RARB: variants seen among roughly 807,000 people sequenced by gnomAD.
RARB encodes the protein retinoic acid receptor beta.
In RARB, 17 loss-of-function variants were observed where a neutral mutation model predicts 51.9. The ratio of observed to expected loss-of-function variants is 0.33; its 90% CI spans 0.22 to 0.49. RARB has a LOEUF of 0.49. Ranked by LOEUF, RARB falls within the 20% of genes least tolerant of loss-of-function variation. The pLI is 0.99. For missense variants in RARB, 369 were observed against 550.8 expected (o/e 0.67, Z 3.30); for synonymous variants, 215 against 195.4 (o/e 1.10, Z -0.84).
chr3:25,507,668 A>G (rs930901733), intron 3 of RARB, among the ~76,000 whole-genome samples: 1 of 152,188 alleles, frequency 6.6e-6, no homozygotes, highest in Non-Finnish European at 1.5e-5. Flanking sequence ...AAAGATGGAC[A>G]TGTATTGGGG....
intron 5 of RARB, among the ~76,000 whole-genome samples, chr3:25,337,815 T>G (rs1705108506): frequency 6.6e-6 from 1 of 151,068 alleles, no homozygotes; most frequent in Non-Finnish European, 1.5e-5. Flanking sequence ...ATACGTTTCT[T>G]GTTTGCCCTC....
At chr3:25,329,906 A>G (rs1704840787) in intron 5 of RARB, among the ~76,000 whole-genome samples, 1 of 152,240 alleles carries the variant, frequency 6.6e-6, no homozygotes, top group African/African-American at 2.4e-5. Context: ...AGTGGAAGAA[A>G]GGGTATCAGT....
At chr3:25,140,987 C>G (rs1227971247) in intron 4 of RARB, among the ~76,000 whole-genome samples, 1 of 151,986 alleles carries the variant, frequency 6.6e-6, no homozygotes, top group Non-Finnish European at 1.5e-5. Flanking sequence ...TTAATATACT[C>G]AAGTATATTA....
intron 2 of RARB, among the ~76,000 whole-genome samples, chr3:24,863,530 T>C (rs574763006): frequency 6.6e-6 from 1 of 152,248 alleles, no homozygotes; most frequent in Non-Finnish European, 1.5e-5. Context: ...TCAAAGATCA[T>C]GTCAGCGTAA....
At chr3:25,439,450 G>A (rs1029078361) in intron 1 of RARB, among the ~76,000 whole-genome samples, 1 of 152,052 alleles carries the variant, frequency 6.6e-6, no homozygotes, top group Non-Finnish European at 1.5e-5. Context: ...CTGTTGCCCA[G>A]GCTGGAGTGC....
intron 3 of RARB, among the ~76,000 whole-genome samples, chr3:25,079,854 T>G (rs2125312352): frequency 6.6e-6 from 1 of 152,324 alleles, no homozygotes; most frequent in African/African-American, 2.4e-5. Context: ...TCTTGTTTAG[T>G]TTTCTTAACA....
chr3:25,135,823 G>A (rs1700024528), intron 4 of RARB, among the ~76,000 whole-genome samples: 1 of 151,818 alleles, frequency 6.6e-6, no homozygotes, highest in South Asian at 2.1e-4. Flanking sequence ...ATGCACCAAG[G>A]CAAAAAGCTC....
At chr3:25,390,351 C>T (rs1706915929) in intron 5 of RARB, among the ~76,000 whole-genome samples, 1 of 152,146 alleles carries the variant, frequency 6.6e-6, no homozygotes, top group Non-Finnish European at 1.5e-5. Flanking sequence ...AGAGAAGACT[C>T]TATTTACGAG....
intron 5 of RARB, among the ~76,000 whole-genome samples, chr3:25,368,889 G>A (rs1028199971): frequency 7.2e-5 from 11 of 152,108 alleles, no homozygotes; most frequent in Non-Finnish European, 1.6e-4. Flanking sequence ...TTGGCTGCCC[G>A]TTTGCACTGT....
intron 3 of RARB, among the ~76,000 whole-genome samples, chr3:25,129,034 G>A (rs1332813653): frequency 6.6e-6 from 1 of 151,998 alleles, no homozygotes; most frequent in Non-Finnish European, 1.5e-5. Flanking sequence ...ATGAGAAACA[G>A]CCCATATCTA....
intron 2 of RARB, among the ~76,000 whole-genome samples, chr3:24,995,478 T>C (rs1445393395): frequency 1.3e-5 from 2 of 152,160 alleles, no homozygotes; most frequent in African/African-American, 4.8e-5. Flanking sequence ...TTGCCAAATT[T>C]CTCTAGCTAG....
chr3:25,014,873 C>T (rs74821840), intron 2 of RARB, among the ~76,000 whole-genome samples: 1,602 of 152,204 alleles, frequency 0.011, 36 homozygotes, highest in East Asian at 0.077. Flanking sequence ...AAGTTCACCT[C>T]TCCTCCTATT....
At chr3:25,009,572 G>T (rs1697350314) in intron 2 of RARB, among the ~76,000 whole-genome samples, 2 of 152,070 alleles carry the variant, frequency 1.3e-5, no homozygotes, top group Admixed American at 1.3e-4. Flanking sequence ...AGGTGTCTCT[G>T]TAATTGTCAC....
chr3:24,859,527 T>C (rs13095442), intron 2 of RARB, among the ~76,000 whole-genome samples: 47,987 of 152,134 alleles, frequency 0.32, 9,538 homozygotes, highest in Admixed American at 0.42. Context: ...CTCAAACCTC[T>C]GTATTCTGGT....
chr3:25,507,299 C>G (rs1328119306), intron 3 of RARB, among the ~76,000 whole-genome samples: 2 of 118,270 alleles, frequency 1.7e-5, no homozygotes, highest in African/African-American at 4.9e-5. Flanking sequence ...AACCCATCTT[C>G]TCCCTGGCTT....
intron 2 of RARB, among the ~76,000 whole-genome samples, chr3:24,999,778 C>T (rs146036343): frequency 6.6e-6 from 1 of 152,218 alleles, no homozygotes; most frequent in African/African-American, 2.4e-5. Flanking sequence ...ATGGTGGTAT[C>T]CCACTCCCTC....
intron 4 of RARB, among the ~76,000 whole-genome samples, chr3:25,168,709 A>G (rs1700597550): frequency 6.6e-6 from 1 of 152,244 alleles, no homozygotes; most frequent in African/African-American, 2.4e-5. Context: ...AAGAGAACGA[A>G]TGGATGAAGA....
At chr3:25,353,364 A>G (rs942240407) in intron 5 of RARB, among the ~76,000 whole-genome samples, 1 of 152,176 alleles carries the variant, frequency 6.6e-6, no homozygotes, top group Non-Finnish European at 1.5e-5. Flanking sequence ...ACTTGCTTAA[A>G]TTAATTCATA....
chr3:24,955,234 C>G (rs905049946), intron 2 of RARB, among the ~76,000 whole-genome samples: 2 of 152,190 alleles, frequency 1.3e-5, no homozygotes, highest in Admixed American at 1.3e-4. Context: ...TCTAGCCAGG[C>G]TCCTCTCTGA....
Sources: allele counts gnomAD v4.1 joint callset (sites outside exome capture counted in the v4.1 genomes callset), GRCh38; gene constraint gnomAD v4.1.1; transcripts MANE v1.5; gene names NCBI Gene and HGNC (gene_info 2026-07-23, HGNC 2026-07-21).